The following CYP4V2 variants were observed in gnomAD, a reference collection of about 807,000 sequenced individuals.
CYP4V2 encodes cytochrome P450 family 4 subfamily V member 2, also known as cytochrome P450 4V2.
Under a neutral mutation model 60.8 loss-of-function variants are expected in CYP4V2, and 55 were observed. That is an observed-to-expected ratio of 0.90 (90% CI 0.73 to 1.13). The LOEUF (loss-of-function observed/expected upper bound fraction) is 1.13, where lower values mean the gene tolerates loss of function less well. CYP4V2 is among the 50% of genes most tolerant of loss of function. The probability of loss-of-function intolerance (pLI) is 0.00; values close to 1 mark genes in which losing one functional copy is unlikely to be tolerated. For missense variants in CYP4V2, 675 were observed against 662.9 expected (o/e 1.02, Z -0.20); for synonymous variants, 239 against 236.8 (o/e 1.01, Z -0.08).
At chr4:186,197,166 T>C (rs374764984) in intron 4 of CYP4V2, 36 bp downstream of exon 4, 50 of 1,609,824 alleles carry the variant, frequency 3.1e-5, no homozygotes, top group Non-Finnish European at 3.9e-5. Context: ...ATTTATGGCA[T>C]AAAGAGAAAA....
chr4:186,202,819 TAC>T (rs138049190), intron 7 of CYP4V2: 42,350 of 149,804 alleles, frequency 0.28, 7,130 homozygotes, highest in Non-Finnish European at 0.38. Context: ...CACACAAATA[TAC>T]ACACACACCC....
In CYP4V2 at chr4:186,191,913, C is replaced by G; in HGVS notation, c.90C>G (p.Val30=). The change falls in exon 1 of 11, where the codon GTC becomes GTG. Residue 30 remains valine (V), a synonymous_variant. Coordinates refer to ENST00000378802, the MANE Select transcript of CYP4V2 (RefSeq NM_207352.4). ...TTTCCCTGGCCGGCGCCAGTCTGGTCCTGAGCCTGCTGCAGAGGGTGGCGA... is the reference window on the plus strand; with the variant it reads ...TTTCCCTGGCCGGCGCCAGTCTGGTGCTGAGCCTGCTGCAGAGGGTGGCGA... ...SALSLAGASL[V]LSLLQRVASY... is the part of the protein sequence containing the mutation. 1 of 1,594,144 alleles carries G rather than the reference C, an allele frequency of 6.3e-7. No individual in the cohort carries two copies. The highest frequency in any genetic ancestry group is 8.5e-7 in the Non-Finnish European group (1 of 1,173,734).
At chr4:186,202,354 C>A (rs898980044) in intron 7 of CYP4V2, 1 of 152,138 alleles carries the variant, frequency 6.6e-6, no homozygotes, top group Non-Finnish European at 1.5e-5. Context: ...AAGATCAAAT[C>A]CCAGCTAACA....
Position 186,210,559 on chromosome 4 carries a change from T to C in CYP4V2, c.1496T>C (p.Leu499Pro), listed in dbSNP as rs1736680999. ...GAATCCAACCAGAAAAGAGAAGAGC[T>C]TGGTCTAGAAGGACAGTTGATTCTT... The part of the protein sequence containing the change: ...WIESNQKREE[L>P]GLEGQLILRP... The change falls in exon 11 of 11, where the codon CTT becomes CCT. Residue 499 changes from leucine (L) to proline (P), a missense_variant. Leu to Pro is a moderately conservative substitution (Grantham distance 98, BLOSUM62 -3). Coordinates refer to ENST00000378802, the MANE Select transcript of CYP4V2 (RefSeq NM_207352.4). 6.2e-7 allele frequency: 1 copy of C among 1,614,192 alleles called. No homozygotes were observed. Among genetic ancestry groups the C allele is most frequent in the East Asian group, 2.2e-5 (1 of 44,864 alleles).
intron 9 of CYP4V2, 27 bp from the exon 10 acceptor site, chr4:186,209,066 C>T: frequency 6.2e-7 from 1 of 1,614,172 alleles, no homozygotes. Flanking sequence ...GCTCCGGTCT[C>T]ATAATGTATT....
intron 1 of CYP4V2, chr4:186,192,340 C>T (rs1041389076): frequency 8.1e-6 from 5 of 618,594 alleles, no homozygotes; most frequent in African/African-American, 7.2e-5. Context: ...TTTCCTCCTG[C>T]CTTGGCTTGG....
intron 1 of CYP4V2, chr4:186,192,308 C>T (rs1460390025): frequency 3.0e-6 from 2 of 676,030 alleles, no homozygotes; most frequent in Non-Finnish European, 5.4e-6. Context: ...CTCACCGCTG[C>T]TCAGCTCTCA....
At chr4:186,192,124 C>A in intron 1 of CYP4V2, 87 bp downstream of exon 1, 4 of 1,486,870 alleles carry the variant, frequency 2.7e-6, no homozygotes, top group Non-Finnish European at 3.6e-6. Context: ...CTGCTTGTGG[C>A]GCTGGCCGCA....
chr4:186,210,599 C>T lies in CYP4V2; in HGVS notation c.1536C>T (p.Gly512=), dbSNP rs72646298. 2.1e-3 allele frequency: 3,346 copies of T among 1,614,068 alleles called. 64 individuals are homozygous for T. The African/African-American group carries it at 0.04, about 19-fold the overall frequency. The change falls in exon 11 of 11, where the codon GGC becomes GGT. Residue 512 remains glycine (G), a synonymous_variant. Coordinates refer to ENST00000378802, the MANE Select transcript of CYP4V2 (RefSeq NM_207352.4). ...AGTTGATTCTTCGTCCAAGTAATGGCATCTGGATCAAGTTGAAGAGGAGAA... is the reference window on the plus strand; with the variant it reads ...AGTTGATTCTTCGTCCAAGTAATGGTATCTGGATCAAGTTGAAGAGGAGAA... ...EGQLILRPSN[G]IWIKLKRRNA...
rs1198561303 is a variant in CYP4V2 at position 186,201,242 on chromosome 4, G to A, written c.887G>A (p.Arg296His). Residue 296 changes from arginine (R) to histidine (H), a missense_variant, in exon 7 of 11, where the codon CGC (arginine) becomes CAC (histidine). Transcript: ENST00000378802. ...GRGSAPSKNK[R>H]RAFLDLLLSV... ...GGCTCTGCCCCCTCCAAAAATAAAC[G>A]CAGGGCCTTTCTTGACTTGCTTTTA... is the stretch of plus-strand genomic sequence containing the variant. 2 of 1,614,140 alleles carry A rather than the reference G, an allele frequency of 1.2e-6. No homozygotes were observed. Among genetic ancestry groups the A allele is most frequent in the East Asian group, 2.2e-5 (1 of 44,852 alleles).
chr4:186,210,249 G>A (rs556865270), intron 10 of CYP4V2, among the ~76,000 whole-genome samples: 1 of 152,286 alleles, frequency 6.6e-6, no homozygotes, highest in South Asian at 2.1e-4. Flanking sequence ...ATCAGCTGGA[G>A]TACAAATTCT....
intron 7 of CYP4V2, chr4:186,204,142 G>C (rs1471455840): frequency 1.3e-5 from 2 of 156,800 alleles, no homozygotes; most frequent in Non-Finnish European, 2.9e-5. Context: ...GGGTGGGAAA[G>C]AAGGTTGCCC....
At chr4:186,192,131 C>T (rs1736007481) in intron 1 of CYP4V2, 94 bp downstream of exon 1, 1 of 1,463,722 alleles carries the variant, frequency 6.8e-7, no homozygotes, top group East Asian at 2.5e-5. Context: ...TGGCGCTGGC[C>T]GCAGGAGAGA....
intron 10 of CYP4V2, among the ~76,000 whole-genome samples, 188 bp from the exon 11 acceptor site, chr4:186,210,281 T>C (rs962393749): frequency 3.3e-5 from 5 of 152,186 alleles, no homozygotes; most frequent in African/African-American, 1.2e-4. Flanking sequence ...CAGCTATAGA[T>C]GTGCAAGGTG....
chr4:186,209,476 G>C (rs34009474), intron 10 of CYP4V2, among the ~76,000 whole-genome samples: 1 of 152,180 alleles, frequency 6.6e-6, no homozygotes, highest in South Asian at 2.1e-4. Flanking sequence ...GCCTGCATGG[G>C]CTTCCATAGC....
intron 1 of CYP4V2, 129 bp from the exon 2 acceptor site, chr4:186,194,371 C>T (rs1736080946): frequency 1.3e-6 from 1 of 794,852 alleles, no homozygotes; most frequent in Non-Finnish European, 2.1e-6. Context: ...TGCTCTCTAC[C>T]TGGCTTCCTC....
intron 5 of CYP4V2, 150 bp downstream of exon 5, chr4:186,197,752 G>A (rs1178805028): frequency 3.8e-6 from 3 of 788,436 alleles, no homozygotes; most frequent in Non-Finnish European, 6.3e-6. Context: ...ATGTGTTTAA[G>A]CAGTAAAGGT....
chr4:186,191,780 C>A lies in CYP4V2; in HGVS notation c.-44C>A. Reference sequence around the variant, plus strand: ...CCGCCTCGCACCACGCCCCCGCGGGCCCGCACTTTCCCGGAGTGCACCCCG... The same window carrying A: ...CCGCCTCGCACCACGCCCCCGCGGGACCGCACTTTCCCGGAGTGCACCCCG... On this transcript the variant is annotated 5_prime_UTR_variant, in exon 1 of 11. Coordinates refer to ENST00000378802, the MANE Select transcript of CYP4V2 (RefSeq NM_207352.4). 1 of 1,454,448 alleles carries A rather than the reference C, an allele frequency of 6.9e-7. No homozygotes were observed. The highest frequency in any genetic ancestry group is 9.0e-7 in the Non-Finnish European group (1 of 1,108,576). The allele number at this position is 1,454,448 out of a possible 1,614,324, so 90.1% of individuals were successfully genotyped here. A position where few individuals can be genotyped will look rare whatever the true frequency, so the allele number is the denominator to read the frequency against.
chr4:186,196,929 T>C lies in CYP4V2; in HGVS notation c.414-11T>C. The C allele has an allele frequency of 6.2e-7, 1 of 1,611,944 alleles. No homozygotes were observed. The highest frequency in any genetic ancestry group is 1.3e-5 in the African/African-American group (1 of 74,986). On this transcript the variant is annotated splice_polypyrimidine_tract_variant and intron_variant, in intron 3 of 10. Coordinates refer to ENST00000378802, the MANE Select transcript of CYP4V2 (RefSeq NM_207352.4). The stretch of plus-strand genomic sequence containing the variant: ...AGATATATTTTTTGTAACCACATAT[T>C]TTATTTCTAGTACTGGAAACAAATG...
Sources: allele counts gnomAD v4.1 joint callset (sites outside exome capture counted in the v4.1 genomes callset), GRCh38; gene constraint gnomAD v4.1.1; transcripts MANE v1.5; gene names NCBI Gene and HGNC (gene_info 2026-07-23, HGNC 2026-07-21).